The following CDC16 variants were observed in gnomAD, a reference collection of about 807,000 sequenced individuals.
CDC16 encodes the protein cell division cycle 16.
CDC16 carries 34 observed loss-of-function variants against 87.0 expected under a neutral mutation model. The observed-to-expected ratio is 0.39, with a 90% CI of 0.30 to 0.52. CDC16 has a LOEUF of 0.52. Ranked by LOEUF, CDC16 falls within the 20% of genes least tolerant of loss-of-function variation. CDC16 has a pLI of 0.74. For synonymous variants in CDC16, 263 were observed against 260.6 expected, an observed-to-expected ratio of 1.01 and a Z score of -0.09; for missense variants, 653 against 751.9, an observed-to-expected ratio of 0.87 and a Z score of 1.54.
At chr13:114,246,609 A>G (rs1296906614) in intron 10 of CDC16, among the ~76,000 whole-genome samples, 1 of 152,214 alleles carries the variant, frequency 6.6e-6, no homozygotes, top group Non-Finnish European at 1.5e-5. Context: ...AAATAGTCAG[A>G]ACTCGGACAG....
chr13:114,244,016 A>G (rs1001880815), intron 8 of CDC16, 27 bp downstream of exon 8: 3 of 1,559,462 alleles, frequency 1.9e-6, no homozygotes, highest in African/African-American at 1.4e-5. Context: ...ATTTTTCTGT[A>G]GGAACATGGA....
chr13:114,260,286 G>C (rs958580495), intron 14 of CDC16, among the ~76,000 whole-genome samples: 7 of 152,154 alleles, frequency 4.6e-5, no homozygotes, highest in Middle Eastern at 6.3e-3. Flanking sequence ...CACTATTTCT[G>C]TGTTTGCACA....
rs188291829 is a variant in CDC16, at chr13:114,237,208, G to A, written c.201+312G>A. 2.0e-5 allele frequency among the ~76,000 whole-genome samples: 3 copies of A among 151,080 alleles called. No homozygotes were observed. In the East Asian group the frequency reaches 5.8e-4, roughly 29 times the overall value. On this transcript the variant is annotated intron_variant, in intron 3 of 17. Transcript: ENST00000356221. ...ATTGCACTCCAGCCTGGACAACAGA[G>A]CAAGACTCTGTCTCAAAAAAAAAAA...
chr13:114,260,326 G>A (rs9525197), intron 14 of CDC16, among the ~76,000 whole-genome samples: 52 of 152,170 alleles, frequency 3.4e-4, no homozygotes, highest in Middle Eastern at 3.2e-3. Context: ...TGCCTCTGTC[G>A]CATAGTCTTG....
At chr13:114,262,817 T>C in intron 15 of CDC16, 62 bp from the exon 16 acceptor site, 2 of 1,566,636 alleles carry the variant, frequency 1.3e-6, no homozygotes, top group African/African-American at 1.4e-5. Flanking sequence ...GGATGGTTGC[T>C]CATCTTAGAC....
intron 13 of CDC16, among the ~76,000 whole-genome samples, chr13:114,257,608 A>G (rs373053467): frequency 6.6e-6 from 1 of 152,162 alleles, no homozygotes. Flanking sequence ...AGTGTTTTCT[A>G]TTTAGTTACT....
At chr13:114,244,663 T>TA in intron 8 of CDC16, 1 of 357,668 alleles carries the variant, frequency 2.8e-6, no homozygotes, top group Non-Finnish European at 5.0e-6. Flanking sequence ...ATGTATGTGA[T>TA]AATGTTTATT....
At chr13:114,258,229 G>A (rs964344308) in intron 13 of CDC16, among the ~76,000 whole-genome samples, 4 of 152,104 alleles carry the variant, frequency 2.6e-5, no homozygotes, top group Non-Finnish European at 4.4e-5. Context: ...CAGTATTTGC[G>A]AATTTGCCTA....
At position 114,234,986 on chromosome 13, in the gene CDC16, CGG is replaced by C. The variant is rs1357593572; in HGVS notation, c.-98_-97del. The C allele has an allele frequency of 7.1e-5, 70 of 986,922 alleles. No individual in the cohort carries two copies. The highest frequency in any genetic ancestry group is 6.9e-4 in the Admixed American group (16 of 23,084). The allele number at this position is 986,922 out of a possible 1,614,324, so 61.1% of individuals were successfully genotyped here. On this transcript the variant is annotated 5_prime_UTR_variant, in exon 1 of 18. Coordinates refer to ENST00000356221, the MANE Select transcript of CDC16 (RefSeq NM_001078645.3). Reference sequence around the variant, plus strand: ...CCTTCGAGTCCTGGGGCGGCGGCGGCGGCTGCAGGCACGGGCACGGGCACGGG... The same window carrying C: ...CCTTCGAGTCCTGGGGCGGCGGCGGCCTGCAGGCACGGGCACGGGCACGGG...
chr13:114,270,316 A>T (rs974298920), intron 17 of CDC16, among the ~76,000 whole-genome samples: 1 of 152,146 alleles, frequency 6.6e-6, no homozygotes, highest in African/African-American at 2.4e-5. Flanking sequence ...TACTTTAAAC[A>T]ACCAGAACTC....
At chr13:114,266,132 T>G (rs779985662) in intron 17 of CDC16, among the ~76,000 whole-genome samples, 1 of 152,202 alleles carries the variant, frequency 6.6e-6, no homozygotes, top group Non-Finnish European at 1.5e-5. Context: ...TAAAGTAATT[T>G]CTGATGTAAT....
intron 4 of CDC16, 92 bp from the exon 5 acceptor site, chr13:114,239,258 G>A: frequency 6.7e-7 from 1 of 1,497,598 alleles, no homozygotes; most frequent in Non-Finnish European, 9.0e-7. Context: ...TTTAAATAAT[G>A]GGCATAGTAT....
At chr13:114,241,980 A>G in intron 5 of CDC16, 141 bp from the exon 6 acceptor site, 3 of 858,994 alleles carry the variant, frequency 3.5e-6, no homozygotes, top group Non-Finnish European at 3.5e-6. Flanking sequence ...AGATCATAGG[A>G]GTTCAAGGCT....
At position 114,272,640 on chromosome 13, in the gene CDC16, T is replaced by C; in HGVS notation, c.*197T>C. On this transcript the variant is annotated 3_prime_UTR_variant, in exon 18 of 18. Coordinates refer to ENST00000356221, the MANE Select transcript of CDC16 (RefSeq NM_001078645.3). Reference sequence around the variant, plus strand: ...GTTCTGATTCTCTGAACCTACAAAATAGTTATACATAGTGGAATAAAGAAG... The same window carrying C: ...GTTCTGATTCTCTGAACCTACAAAACAGTTATACATAGTGGAATAAAGAAG... 1 of 471,206 alleles carries C rather than the reference T, an allele frequency of 2.1e-6. No individual in the cohort carries two copies. Among genetic ancestry groups the C allele is most frequent in the Non-Finnish European group, 3.7e-6 (1 of 268,924 alleles). 29.2% of individuals were successfully genotyped at this position (471,206 alleles called of 1,614,324 possible). A position where few individuals can be genotyped will look rare whatever the true frequency, so the allele number is the denominator to read the frequency against.
chr13:114,246,613 C>T (rs773881849), intron 10 of CDC16, among the ~76,000 whole-genome samples: 36 of 152,122 alleles, frequency 2.4e-4, no homozygotes, highest in Admixed American at 1.2e-3. Flanking sequence ...AGTCAGAACT[C>T]GGACAGAGAG....
At chr13:114,242,394 C>A in intron 6 of CDC16, 114 bp downstream of exon 6, 1 of 903,356 alleles carries the variant, frequency 1.1e-6, no homozygotes, top group Non-Finnish European at 1.7e-6. Flanking sequence ...TTAAATAGAC[C>A]TACTCACTTT....
Position 114,243,859 on chromosome 13 carries a change from A to G in CDC16, c.637A>G (p.Asn213Asp), listed in dbSNP as rs770624827. The G allele has an allele frequency of 2.5e-6, 4 of 1,607,712 alleles. No homozygotes were observed. In the East Asian group the frequency reaches 6.7e-5, roughly 27 times the overall value. The stretch of plus-strand genomic sequence containing the variant: ...TTTACATTTCTATGTGTTTCAGTAT[A>G]ATAAGCCTAGTGAAACGGTCATCCC... ...FLFENKLKKY[N>D]KPSETVIPES... Residue 213 changes from asparagine to aspartate, a missense_variant, in exon 8 of 18, where the codon AAT (asparagine) becomes GAT (aspartate). Asn to Asp is a conservative substitution (Grantham distance 23). Coordinates refer to ENST00000356221, the MANE Select transcript of CDC16 (RefSeq NM_001078645.3).
chr13:114,271,078 T>C (rs17291598), intron 17 of CDC16, among the ~76,000 whole-genome samples: 3,703 of 151,840 alleles, frequency 0.024, 158 homozygotes, highest in African/African-American at 0.085. Context: ...CCCGCCACTA[T>C]GCCCGGCTAA....
chr13:114,245,160 C>G (rs1403311158), intron 9 of CDC16, among the ~76,000 whole-genome samples, 191 bp downstream of exon 9: 4 of 152,008 alleles, frequency 2.6e-5, no homozygotes, highest in African/African-American at 9.7e-5. Flanking sequence ...GTTTTCCCAT[C>G]AGAACAATTA....
Sources: allele counts gnomAD v4.1 joint callset (sites outside exome capture counted in the v4.1 genomes callset), GRCh38; gene constraint gnomAD v4.1.1; transcripts MANE v1.5; gene names NCBI Gene and HGNC (gene_info 2026-07-23, HGNC 2026-07-21).